Variants in ROBO2 observed in about 807,000 individuals in gnomAD.
ROBO2 encodes roundabout guidance receptor 2.
In ROBO2, 53 loss-of-function variants were observed where a neutral mutation model predicts 160.8. The observed-to-expected ratio is 0.33, with a 90% confidence interval of 0.26 to 0.41. The LOEUF (loss-of-function observed/expected upper bound fraction) is 0.41, where lower values mean the gene tolerates loss of function less well. Ranked by LOEUF, ROBO2 falls within the 10% of genes least tolerant of loss-of-function variation. The pLI, the probability that ROBO2 is intolerant of heterozygous loss-of-function variation, is 1.00. For synonymous variants in ROBO2, 664 were observed against 611.7 expected, an observed-to-expected ratio of 1.09 and a Z score of -1.26; for missense variants, 1,577 against 1,722.4, an observed-to-expected ratio of 0.92 and a Z score of 1.49.
chr3:77,537,307 T>C (rs1184707870), intron 6 of ROBO2, among the ~76,000 whole-genome samples: 4 of 152,162 alleles, frequency 2.6e-5, no homozygotes, highest in Non-Finnish European at 5.9e-5. Flanking sequence ...TGATATTATA[T>C]GAACCCTCCA....
Position 77,067,685 on chromosome 3 carries a change from CAT to C in ROBO2, c.61+26840_61+26841del, listed in dbSNP as rs2066999882. Reference sequence around the variant, plus strand: ...TTCATAAATTCTTTGATGAAAGTCACATGTTTTCTACTGATATATTGTCTTTA... The same window carrying C: ...TTCATAAATTCTTTGATGAAAGTCACGTTTTCTACTGATATATTGTCTTTA... On this transcript the variant is annotated intron_variant, in intron 1 of 25. Coordinates refer to ENST00000461745, the Ensembl canonical transcript of ROBO2. 2.6e-5 allele frequency among the ~76,000 whole-genome samples: 4 copies of C among 152,236 alleles called. No individual in the cohort carries two copies. The South Asian group carries it at 8.3e-4, about 32-fold the overall frequency.
At chr3:76,125,727 A>T (rs140420025) in intron 2 of ROBO2, among the ~76,000 whole-genome samples, 2 of 152,204 alleles carry the variant, frequency 1.3e-5, no homozygotes, top group African/African-American at 4.8e-5. Context: ...TTGCAGCAAC[A>T]GATTCTGATT....
At chr3:77,151,014 C>G (rs9864444) in intron 2 of ROBO2, among the ~76,000 whole-genome samples, 1 of 151,866 alleles carries the variant, frequency 6.6e-6, no homozygotes, top group South Asian at 2.1e-4. Context: ...GTTTATTTTT[C>G]CAATTAAAAT....
chr3:77,205,816 T>C (rs1222993280), intron 2 of ROBO2, among the ~76,000 whole-genome samples: 3 of 152,154 alleles, frequency 2.0e-5, no homozygotes, highest in South Asian at 2.1e-4. Flanking sequence ...TATTGAAATA[T>C]ATAGAAAGGT....
intron 2 of ROBO2, among the ~76,000 whole-genome samples, chr3:76,056,938 G>T (rs1405183712): frequency 6.6e-6 from 1 of 152,056 alleles, no homozygotes; most frequent in Non-Finnish European, 1.5e-5. Context: ...AAAAGTTATG[G>T]TCCTTTTAAA....
chr3:77,298,205 GA>G (rs2062327617), intron 2 of ROBO2, among the ~76,000 whole-genome samples: 1 of 152,164 alleles, frequency 6.6e-6, no homozygotes, highest in African/African-American at 2.4e-5. Context: ...CACGAAGTCT[GA>G]AAGTTAAAAC....
intron 1 of ROBO2, among the ~76,000 whole-genome samples, chr3:75,911,242 A>G (rs1464296257): frequency 6.6e-6 from 1 of 152,196 alleles, no homozygotes; most frequent in Non-Finnish European, 1.5e-5. Flanking sequence ...AGGGTTTAAT[A>G]AGAAAAATCT....
At chr3:77,154,503 C>T (rs2077813402) in intron 2 of ROBO2, among the ~76,000 whole-genome samples, 1 of 151,962 alleles carries the variant, frequency 6.6e-6, no homozygotes, top group East Asian at 1.9e-4. Flanking sequence ...CCATTCAAAC[C>T]AACAATCCCA....
At chr3:77,556,208 C>T (rs1010164785) in intron 8 of ROBO2, among the ~76,000 whole-genome samples, 2 of 151,698 alleles carry the variant, frequency 1.3e-5, no homozygotes, top group Non-Finnish European at 1.5e-5. Context: ...AAAAATAAGT[C>T]CCATGAAACT....
intron 2 of ROBO2, among the ~76,000 whole-genome samples, chr3:77,311,495 C>T (rs1429211963): frequency 6.6e-6 from 1 of 152,190 alleles, no homozygotes; most frequent in Non-Finnish European, 1.5e-5. Context: ...ATCATATCAT[C>T]ATGATCTTTG....
chr3:76,363,081 A>G (rs7618070), intron 2 of ROBO2, among the ~76,000 whole-genome samples: 20,130 of 151,988 alleles, frequency 0.13, 1,634 homozygotes, highest in African/African-American at 0.23. Context: ...GGAATTTGTG[A>G]ATTGCTTCAT....
intron 2 of ROBO2, among the ~76,000 whole-genome samples, chr3:77,209,153 A>C (rs2083790862): frequency 6.6e-6 from 1 of 152,208 alleles, no homozygotes; most frequent in African/African-American, 2.4e-5. Flanking sequence ...ATTATCTGGT[A>C]ATGTTAATTT....
At chr3:76,157,434 G>C (rs1276025845) in intron 2 of ROBO2, among the ~76,000 whole-genome samples, 1 of 152,106 alleles carries the variant, frequency 6.6e-6, no homozygotes, top group Non-Finnish European at 1.5e-5. Flanking sequence ...TATTGTAGCA[G>C]AGTAAGCCAC....
chr3:77,254,350 A>G (rs890058363), intron 2 of ROBO2, among the ~76,000 whole-genome samples: 2 of 152,250 alleles, frequency 1.3e-5, no homozygotes, highest in African/African-American at 4.8e-5. Context: ...TTGAATCAAT[A>G]CAAAGCCTAA....
At chr3:76,001,720 T>G (rs1576438521) in intron 2 of ROBO2, among the ~76,000 whole-genome samples, 1 of 152,138 alleles carries the variant, frequency 6.6e-6, no homozygotes. Context: ...ATTGTTTATA[T>G]TTTTAGTAGA....
intron 2 of ROBO2, among the ~76,000 whole-genome samples, chr3:76,295,889 G>A (rs1003562424): frequency 2.6e-5 from 4 of 152,112 alleles, no homozygotes; most frequent in African/African-American, 9.7e-5. Flanking sequence ...TCACCGGATT[G>A]AGATAGGAGA....
At chr3:77,441,351 A>G (rs2079900096) in intron 2 of ROBO2, among the ~76,000 whole-genome samples, 1 of 151,850 alleles carries the variant, frequency 6.6e-6, no homozygotes, top group Admixed American at 6.6e-5. Flanking sequence ...TTCATTTAAA[A>G]TGTAAGTGTG....
rs117952377 is a variant in ROBO2 at position 76,820,761 on chromosome 3, A to G, written c.110-277253A>G. Reference sequence around the variant, plus strand: ...GCAGTTACTGTTTACAATATGTAGTAATGTATAGATGATTCTGTATCTGCT... The same window carrying G: ...GCAGTTACTGTTTACAATATGTAGTGATGTATAGATGATTCTGTATCTGCT... On this transcript the variant is annotated intron_variant, in intron 2 of 26. Coordinates refer to the ROBO2 transcript ENST00000487694. Among the ~76,000 whole-genome samples the G allele has an allele frequency of 3.6e-4, 55 of 152,112 alleles. 1 individual carries two copies. The East Asian group carries it at 0.011, about 29-fold the overall frequency.
intron 2 of ROBO2, among the ~76,000 whole-genome samples, chr3:75,969,531 A>T (rs1036247895): frequency 6.6e-6 from 1 of 151,622 alleles, no homozygotes; most frequent in African/African-American, 2.4e-5. Flanking sequence ...CTTTCCCACC[A>T]ACAGTGAACA....
Sources: gnomAD v4.1 joint callset for allele counts (sites outside exome capture counted in the v4.1 genomes callset) on GRCh38, gnomAD v4.1.1 for gene constraint, MANE v1.5 for transcripts, NCBI Gene and HGNC (gene_info 2026-07-23, HGNC 2026-07-21) for gene names.